Variants in WNT7B observed in about 807,000 individuals in gnomAD.
The protein encoded by WNT7B is Wnt family member 7B.
Under a neutral mutation model 38.2 loss-of-function variants are expected in WNT7B, and 19 were observed. That is an observed-to-expected ratio of 0.50 (90% CI 0.35 to 0.73). The LOEUF (loss-of-function observed/expected upper bound fraction) is 0.73. Among genes scored for constraint, WNT7B ranks in the 30% least tolerant of loss-of-function variants. WNT7B has a pLI of 0.01. For missense variants in WNT7B, 423 were observed against 507.9 expected, an observed-to-expected ratio of 0.83 and a Z score of 1.61; for synonymous variants, 243 against 209.3, an observed-to-expected ratio of 1.16 and a Z score of -1.39.
chr22:45,923,470 TCCCTCTCTGA>T, intron 3 of WNT7B, 135 bp from the exon 4 acceptor site: 1 of 1,309,558 alleles, frequency 7.6e-7, no homozygotes, highest in East Asian at 2.5e-5. Context: ...TGAGTGTCTC[TCCCTCTCTGA>T]CCCTCAGCCT....
At chr22:45,933,997 G>A (rs1931447185) in intron 2 of WNT7B, among the ~76,000 whole-genome samples, 1 of 152,224 alleles carries the variant, frequency 6.6e-6, no homozygotes, top group African/African-American at 2.4e-5. Context: ...AGGCCGGTCG[G>A]CACCAGCAAC....
Position 45,922,740 on chromosome 22 carries a change from C to A in WNT7B, c.*116G>T. 1 of 1,477,692 alleles carries A rather than the reference C, an allele frequency of 6.8e-7. No homozygotes were observed. The highest frequency in any genetic ancestry group is 2.3e-5 in the East Asian group (1 of 42,890). 91.5% of individuals were successfully genotyped at this position (1,477,692 alleles called of 1,614,324 possible). A position where few individuals can be genotyped will look rare whatever the true frequency, so the allele number is the denominator to read the frequency against. ...GTGCCCTCCTGCACCTGGAGCTCCC[C>A]GCTTCTGCACCCGTCTATGTCTGCT... is the stretch of plus-strand genomic sequence containing the variant. On this transcript the variant is annotated 3_prime_UTR_variant, in exon 4 of 4. Coordinates refer to ENST00000339464, the MANE Select transcript of WNT7B (RefSeq NM_058238.3).
At chr22:45,932,258 C>G (rs1259080956) in intron 2 of WNT7B, among the ~76,000 whole-genome samples, 1 of 152,224 alleles carries the variant, frequency 6.6e-6, no homozygotes, top group Non-Finnish European at 1.5e-5. Flanking sequence ...TCTCCCCATC[C>G]TCTGCCCAGA....
chr22:45,925,455 C>T (rs1601713482), intron 3 of WNT7B: 7 of 985,156 alleles, frequency 7.1e-6, no homozygotes, highest in East Asian at 2.3e-4. Context: ...GAGAAGAGGG[C>T]GGGGCAGCTT....
chr22:45,923,494 C>T (rs989877348), intron 3 of WNT7B, among the ~76,000 whole-genome samples, 159 bp from the exon 4 acceptor site: 2 of 152,212 alleles, frequency 1.3e-5, no homozygotes, highest in African/African-American at 4.8e-5. Flanking sequence ...TCAGCCTCCT[C>T]ACCTATTACA....
chr22:45,956,523 G>A (rs906983443), intron 1 of WNT7B, among the ~76,000 whole-genome samples: 7 of 152,172 alleles, frequency 4.6e-5, no homozygotes, highest in South Asian at 2.1e-4. Context: ...ACCCACCACC[G>A]ATGGGTCCAC....
intron 3 of WNT7B, chr22:45,927,378 A>G (rs911249491): frequency 4.7e-5 from 71 of 1,502,904 alleles, no homozygotes; most frequent in Non-Finnish European, 6.1e-5. Flanking sequence ...GCGGGCCTCC[A>G]GACTCTGCCC....
At chr22:45,938,014 A>G (rs1266499137) in intron 2 of WNT7B, among the ~76,000 whole-genome samples, 3 of 152,226 alleles carry the variant, frequency 2.0e-5, no homozygotes, top group Non-Finnish European at 4.4e-5. Context: ...GTCTAAAAAA[A>G]AAAATGACAT....
At chr22:45,959,773 C>G (rs1224755200) in intron 1 of WNT7B, among the ~76,000 whole-genome samples, 1 of 152,164 alleles carries the variant, frequency 6.6e-6, no homozygotes, top group South Asian at 2.1e-4. Context: ...CTGCCTACCC[C>G]ACCCAGTTCA....
intron 1 of WNT7B, among the ~76,000 whole-genome samples, chr22:45,956,857 C>A (rs1932074858): frequency 2.0e-5 from 3 of 152,128 alleles, no homozygotes; most frequent in Admixed American, 2.0e-4. Context: ...CCTGTAATCC[C>A]AGCACTTTGG....
intron 1 of WNT7B, among the ~76,000 whole-genome samples, chr22:45,957,868 G>C (rs953894914): frequency 6.6e-6 from 1 of 152,178 alleles, no homozygotes; most frequent in Non-Finnish European, 1.5e-5. Context: ...GCAGAGCTGG[G>C]CTGAGCCAGA....
At chr22:45,925,505 ATGGGCCAGAGCC>A in intron 3 of WNT7B, 2 of 985,214 alleles carry the variant, frequency 2.0e-6, no homozygotes, top group Non-Finnish European at 2.4e-6. Context: ...GGCCAAGGTC[ATGGGCCAGAGCC>A]TGGACTGCGT....
Position 45,976,578 on chromosome 22 carries a change from T to C in WNT7B, c.71+106A>G, listed in dbSNP as rs1186179908. On this transcript the variant is annotated intron_variant, in intron 1 of 3. Coordinates refer to ENST00000339464, the MANE Select transcript of WNT7B (RefSeq NM_058238.3). This position sits in a 1 kb window ranked among gnomAD's most constrained non-coding sequence, Gnocchi z 8.5. ...GGGCCAGCCCCGGAGCCCAGAGAGC[T>C]GCAGTGGCCCCCTCCAGTCCCCACG... 3.2e-6 allele frequency: 4 copies of C among 1,238,786 alleles called. No individual in the cohort carries two copies. Among genetic ancestry groups the C allele is most frequent in the Non-Finnish European group, 4.6e-6 (4 of 873,044 alleles). 76.7% of individuals were successfully genotyped at this position (1,238,786 alleles called of 1,614,324 possible).
chr22:45,969,935 C>T (rs1932395929), intron 1 of WNT7B, among the ~76,000 whole-genome samples: 1 of 152,216 alleles, frequency 6.6e-6, no homozygotes, highest in South Asian at 2.1e-4. Flanking sequence ...CCCCACCTCT[C>T]ACAGCTCTCC....
intron 3 of WNT7B, chr22:45,926,771 GC>G (rs1931097749): frequency 5.1e-6 from 5 of 985,274 alleles, no homozygotes; most frequent in Non-Finnish European, 3.6e-6. Flanking sequence ...CTGACCACGA[GC>G]CCACAGAGTG....
intron 1 of WNT7B, among the ~76,000 whole-genome samples, chr22:45,953,828 G>A (rs776739749): frequency 1.6e-4 from 25 of 152,274 alleles, no homozygotes; most frequent in Admixed American, 2.6e-4. Flanking sequence ...AGCGGACAAT[G>A]GTATAGCCAC....
chr22:45,937,031 G>A (rs1453754360), intron 2 of WNT7B, among the ~76,000 whole-genome samples: 3 of 152,188 alleles, frequency 2.0e-5, no homozygotes, highest in African/African-American at 4.8e-5. Flanking sequence ...CTGATTAACT[G>A]CACGGAGGAG....
chr22:45,947,353 C>T lies in WNT7B; in HGVS notation c.298+2567G>A, dbSNP rs1015576856. Among the ~76,000 whole-genome samples the T allele has an allele frequency of 6.6e-5, 10 of 152,214 alleles. 1 individual carries two copies. The highest frequency in any genetic ancestry group is 2.4e-4 in the African/African-American group (10 of 41,456). ...GGCTGGTGTGGGCAGGAGGCAGTGA[C>T]AGCTGCCAGGGGAGGGCCAGAAAAG... On this transcript the variant is annotated intron_variant, in intron 2 of 3. Transcript: ENST00000339464.
Position 45,926,855 on chromosome 22 carries a change from C to G in WNT7B, c.571-3520G>C, listed in dbSNP as rs536633019. On this transcript the variant is annotated intron_variant, in intron 3 of 3. Coordinates refer to ENST00000339464, the MANE Select transcript of WNT7B (RefSeq NM_058238.3). ...GAAGGAGAGTGTGGAGGGTGTGCCCCTCCCAGGATCCGGCGCTCCCATTAG... is the reference window on the plus strand; with the variant it reads ...GAAGGAGAGTGTGGAGGGTGTGCCCGTCCCAGGATCCGGCGCTCCCATTAG... The G allele has an allele frequency of 3.5e-5, 34 of 985,442 alleles. No homozygotes were observed. The African/African-American group carries it at 5.9e-4, about 17-fold the overall frequency. The allele number at this position is 985,442 out of a possible 1,614,324, so 61.0% of individuals were successfully genotyped here. A position where few individuals can be genotyped will look rare whatever the true frequency, so the allele number is the denominator to read the frequency against.
Sources: allele counts gnomAD v4.1 joint callset (sites outside exome capture counted in the v4.1 genomes callset), GRCh38; gene constraint gnomAD v4.1.1; non-coding constraint Gnocchi (gnomAD v3.1); transcripts MANE v1.5; gene names NCBI Gene and HGNC (gene_info 2026-07-23, HGNC 2026-07-21).